MTMR3: variants seen among roughly 807,000 people sequenced by gnomAD.
MTMR3 encodes the protein phosphatidylinositol-3,5-bisphosphate 3-phosphatase MTMR3.
Under a neutral mutation model 132.4 loss-of-function variants are expected in MTMR3, and 32 were observed. The observed-to-expected ratio is 0.24, with a 90% CI of 0.18 to 0.32. The LOEUF (loss-of-function observed/expected upper bound fraction) is 0.32, where lower values mean the gene tolerates loss of function less well. Ranked by LOEUF, MTMR3 falls within the 10% of genes least tolerant of loss-of-function variation. The pLI is 1.00. For missense variants in MTMR3, 1,216 were observed against 1,489.6 expected (o/e 0.82, Z 3.02); for synonymous variants, 556 against 550.3 (o/e 1.01, Z -0.14).
intron 5 of MTMR3, chr22:29,982,316 T>C (rs2066765586): frequency 6.6e-6 from 1 of 151,072 alleles, no homozygotes; most frequent in South Asian, 2.1e-4. Context: ...AAGAGATTCC[T>C]GAAACCTGAA....
At chr22:29,997,277 A>C (rs764861574) in intron 7 of MTMR3, 1 of 152,214 alleles carries the variant, frequency 6.6e-6, no homozygotes, top group Non-Finnish European at 1.5e-5. Context: ...AATGGGAAGT[A>C]GTTTAACAGA....
chr22:30,027,558 G>C lies in MTMR3; in HGVS notation c.*1757G>C, dbSNP rs1373436575. On this transcript the variant is annotated 3_prime_UTR_variant, in exon 20 of 20. Transcript: ENST00000401950. Reference sequence around the variant, plus strand: ...AAAAGTTGGTCTAATTGAAGATTGTGCATTTCCTAGTGACAGGTGCCAAGA... The same window carrying C: ...AAAAGTTGGTCTAATTGAAGATTGTCCATTTCCTAGTGACAGGTGCCAAGA... 2.0e-5 allele frequency: 3 copies of C among 152,794 alleles called. No homozygotes were observed. The highest frequency in any genetic ancestry group is 7.2e-5 in the African/African-American group (3 of 41,444). The allele number at this position is 152,794 out of a possible 1,614,324, so 9.5% of individuals were successfully genotyped here.
chr22:29,954,059 CTTTTTTTTT>C (rs59781649), intron 1 of MTMR3, among the ~76,000 whole-genome samples: 1,198 of 79,446 alleles, frequency 0.015, 18 homozygotes, highest in African/African-American at 0.05. Context: ...TCAAATGAGT[CTTTTTTTTT>C]TTTTTTTTTT....
In MTMR3 at chr22:30,027,245, TA is replaced by T. The variant is rs1333594760; in HGVS notation, c.*1445del. ...TGACAGGGTGGATCATGGTGAGGAC[TA>T]GGGGTAAGGTCAGGGAATGCTTAAG... On this transcript the variant is annotated 3_prime_UTR_variant, in exon 20 of 20. Transcript: ENST00000401950. 6.5e-6 allele frequency: 1 copy of T among 152,848 alleles called. No homozygotes were observed. The highest frequency in any genetic ancestry group is 1.5e-5 in the Non-Finnish European group (1 of 68,116). 9.5% of individuals were successfully genotyped at this position (152,848 alleles called of 1,614,324 possible).
intron 1 of MTMR3, among the ~76,000 whole-genome samples, chr22:29,906,172 G>GA (rs1183765369): frequency 6.6e-6 from 1 of 152,022 alleles, no homozygotes; most frequent in East Asian, 1.9e-4. Flanking sequence ...AAGTTCATAG[G>GA]AAAAACTTTG....
At chr22:29,961,285 C>T (rs548192101) in intron 2 of MTMR3, among the ~76,000 whole-genome samples, 3 of 151,876 alleles carry the variant, frequency 2.0e-5, no homozygotes, top group African/African-American at 4.8e-5. Context: ...GTGGTTGTTG[C>T]GGCTTTTTTG....
At chr22:29,911,585 GT>G (rs11418984) in intron 1 of MTMR3, among the ~76,000 whole-genome samples, 84 of 145,062 alleles carry the variant, frequency 5.8e-4, no homozygotes, top group Admixed American at 5.5e-4. Flanking sequence ...CTTGATTTGG[GT>G]TTTTTTTTTT....
intron 5 of MTMR3, chr22:29,981,844 A>C (rs1395436758): frequency 2.0e-5 from 3 of 147,658 alleles, no homozygotes; most frequent in East Asian, 2.0e-4. Flanking sequence ...AAAAAAAAAA[A>C]CACCCAAGGT....
intron 13 of MTMR3, chr22:30,012,813 C>T (rs773803052): frequency 2.8e-6 from 1 of 353,232 alleles, no homozygotes; most frequent in African/African-American, 2.1e-5. Context: ...AGTCTATCTA[C>T]TTGTAAAAGT....
At chr22:30,025,344 T>A (rs1055335580) in intron 19 of MTMR3, 2 of 437,958 alleles carry the variant, frequency 4.6e-6, no homozygotes, top group Non-Finnish European at 8.5e-6. Flanking sequence ...TTCTTACAGA[T>A]CTCTCTTGAG....
intron 1 of MTMR3, among the ~76,000 whole-genome samples, chr22:29,913,154 A>G (rs1438479480): frequency 3.9e-5 from 6 of 152,126 alleles, no homozygotes; most frequent in Admixed American, 2.6e-4. Flanking sequence ...AAGCTGAGGT[A>G]GGAGAGTTGC....
In MTMR3 at chr22:30,020,612, C is replaced by T. The variant is rs375242057; in HGVS notation, c.2953C>T (p.His985Tyr). 3.7e-6 allele frequency: 6 copies of T among 1,614,238 alleles called. No individual in the cohort carries two copies. Among genetic ancestry groups the T allele is most frequent in the Non-Finnish European group, 8.5e-7 (1 of 1,180,048 alleles). ...SAMSCSSAHL[H>Y]SRNLHHKWLH... ...TATGAGCTGCAGCTCTGCCCACTTACACTCAAGGAACTTGCACCACAAGTG... is the reference window on the plus strand; with the variant it reads ...TATGAGCTGCAGCTCTGCCCACTTATACTCAAGGAACTTGCACCACAAGTG... Residue 985 changes from histidine to tyrosine, a missense_variant, in exon 17 of 20, where the codon CAC becomes TAC. Transcript: ENST00000401950.
At chr22:29,971,339 A>T (rs1296852445) in intron 3 of MTMR3, among the ~76,000 whole-genome samples, 5 of 152,158 alleles carry the variant, frequency 3.3e-5, no homozygotes, top group Non-Finnish European at 7.4e-5. Context: ...TCAAGACTAA[A>T]ACATACAGTT....
At chr22:29,937,410 A>C (rs1602512890) in intron 1 of MTMR3, among the ~76,000 whole-genome samples, 1 of 135,348 alleles carries the variant, frequency 7.4e-6, no homozygotes, top group East Asian at 2.3e-4. Context: ...CTTTCAAAAA[A>C]CTTTGCAGAT....
intron 1 of MTMR3, among the ~76,000 whole-genome samples, chr22:29,925,077 G>A (rs575571043): frequency 9.9e-5 from 15 of 152,270 alleles, no homozygotes; most frequent in African/African-American, 3.6e-4. Context: ...CTGTCACCCA[G>A]GCTAGAGTGC....
At chr22:29,944,926 A>T (rs2065923978) in intron 1 of MTMR3, among the ~76,000 whole-genome samples, 1 of 152,248 alleles carries the variant, frequency 6.6e-6, no homozygotes, top group African/African-American at 2.4e-5. Flanking sequence ...CATTGCTGAA[A>T]TTGCTGCTGT....
intron 19 of MTMR3, chr22:30,023,597 G>C: frequency 7.7e-7 from 1 of 1,298,200 alleles, no homozygotes; most frequent in Non-Finnish European, 1.1e-6. Context: ...CTGGGGCCTT[G>C]GGTGCACAGG....
intron 7 of MTMR3, chr22:29,993,246 T>C (rs1397918096): frequency 6.6e-6 from 1 of 152,220 alleles, no homozygotes; most frequent in African/African-American, 2.4e-5. Flanking sequence ...TTCACTCCGA[T>C]TGTTACATCT....
intron 1 of MTMR3, among the ~76,000 whole-genome samples, chr22:29,897,521 C>T (rs2064925606): frequency 6.6e-6 from 1 of 152,162 alleles, no homozygotes; most frequent in African/African-American, 2.4e-5. Context: ...GGCGCAATCT[C>T]TGCTCACTGC....
Sources: allele counts gnomAD v4.1 joint callset (sites outside exome capture counted in the v4.1 genomes callset), GRCh38; gene constraint gnomAD v4.1.1; transcripts MANE v1.5; gene names NCBI Gene and HGNC (gene_info 2026-07-23, HGNC 2026-07-21).